SRRM4: variants seen among roughly 807,000 people sequenced by gnomAD.
The protein encoded by SRRM4 is serine/arginine repetitive matrix 4, also known as serine/arginine repetitive matrix protein 4.
In SRRM4, 33 loss-of-function variants were observed where a neutral mutation model predicts 68.9. That is an observed-to-expected ratio of 0.48 (90% CI 0.36 to 0.64). The LOEUF (loss-of-function observed/expected upper bound fraction) is 0.64. Among genes scored for constraint, SRRM4 ranks in the 30% least tolerant of loss-of-function variants. The probability of loss-of-function intolerance (pLI) is 0.00; values close to 1 mark genes in which losing one functional copy is unlikely to be tolerated. For missense variants in SRRM4, 817 were observed against 827.1 expected, an observed-to-expected ratio of 0.99 and a Z score of 0.15; for synonymous variants, 318 against 318.8, an observed-to-expected ratio of 1.00 and a Z score of 0.03.
At chr12:118,995,799 CG>C (rs1273278020) in intron 1 of SRRM4, among the ~76,000 whole-genome samples, 5 of 152,222 alleles carry the variant, frequency 3.3e-5, no homozygotes, top group African/African-American at 1.2e-4. Context: ...TCCACCCATC[CG>C]TTTATCATGC....
Position 119,156,500 on chromosome 12 carries a change from G to T in SRRM4, c.1538G>T (p.Arg513Leu). The T allele has an allele frequency of 6.2e-7, 1 of 1,603,030 alleles. No individual in the cohort carries two copies. Among genetic ancestry groups the T allele is most frequent in the Non-Finnish European group, 8.5e-7 (1 of 1,174,576 alleles). The change falls in exon 13 of 13, where the codon CGG becomes CTG. Residue 513 changes from arginine (R) to leucine (L), a missense_variant. Physicochemically the swap from Arg to Leu is moderately radical, Grantham distance 102. Coordinates refer to ENST00000267260, the MANE Select transcript of SRRM4 (RefSeq NM_194286.4). The stretch of plus-strand genomic sequence containing the variant: ...CCTCTCTCTGGTCTCTGCAGTGCCC[G>T]GAAACGCCCCATCCCCTACTATCGG... ...HLEARRITSARKRPIPYYRPS... is the reference protein window; with the variant it reads ...HLEARRITSALKRPIPYYRPS...
At chr12:118,995,754 A>G (rs1040613073) in intron 1 of SRRM4, among the ~76,000 whole-genome samples, 2 of 152,170 alleles carry the variant, frequency 1.3e-5, no homozygotes, top group Non-Finnish European at 2.9e-5. Context: ...ACAATACTTT[A>G]TGCTTGCTGA....
intron 1 of SRRM4, among the ~76,000 whole-genome samples, chr12:119,050,201 C>T (rs1279218932): frequency 6.6e-6 from 1 of 152,170 alleles, no homozygotes; most frequent in Non-Finnish European, 1.5e-5. Flanking sequence ...ATACTCTGTG[C>T]CAGGTACTGA....
chr12:119,053,747 G>GT (rs34684011), intron 1 of SRRM4, among the ~76,000 whole-genome samples: 52,351 of 149,064 alleles, frequency 0.35, 9,205 homozygotes, highest in African/African-American at 0.38. Flanking sequence ...CCCAACAGTA[G>GT]TTTTTTTTTT....
rs1209691893 is a variant in SRRM4, at chr12:118,981,862, C to T, written c.-21C>T. The T allele has an allele frequency of 1.2e-6, 2 of 1,611,334 alleles. No individual in the cohort carries two copies. Among genetic ancestry groups the T allele is most frequent in the Admixed American group, 1.7e-5 (1 of 59,842 alleles). On this transcript the variant is annotated 5_prime_UTR_variant, in exon 1 of 13. Transcript: ENST00000267260. ...GCACTTTGGACAGCGCCCCGGACGC[C>T]CCGGCCCCTTTGGGTTGGCGATGGC... is the stretch of plus-strand genomic sequence containing the variant.
Position 119,154,922 on chromosome 12 carries a change from C to T in SRRM4, c.1532+539C>T, listed in dbSNP as rs146610420. Among the ~76,000 whole-genome samples, 9 of 152,290 alleles carry T rather than the reference C, an allele frequency of 5.9e-5. No homozygotes were observed. In the East Asian group the frequency reaches 1.7e-3, roughly 29 times the overall value. ...GTTCCCAAAGGGACCTAGAGGGAGC[C>T]ACGGTGGATAAGCCGGAGAGCACTG... On this transcript the variant is annotated intron_variant, in intron 12 of 12. Coordinates refer to ENST00000267260, the MANE Select transcript of SRRM4 (RefSeq NM_194286.4). The surrounding 1 kb of genome is among the most constrained non-coding windows in gnomAD (Gnocchi z 4.7).
rs539450994 is a variant in SRRM4, at chr12:118,994,691, C to T, written c.131+12678C>T. ...TCTACTCCACCACCTAGTAGCTGTG[C>T]GACCTTCAGCAAATCCCTTCACTAC... On this transcript the variant is annotated intron_variant, in intron 1 of 12. Coordinates refer to ENST00000267260, the MANE Select transcript of SRRM4 (RefSeq NM_194286.4). Among the ~76,000 whole-genome samples, 15 of 152,344 alleles carry T rather than the reference C, an allele frequency of 9.8e-5. No individual in the cohort carries two copies. The East Asian group carries it at 2.1e-3, about 22-fold the overall frequency.
rs561631960 is a variant in SRRM4 at position 119,028,386 on chromosome 12, C to A, written c.131+46373C>A. 1.5e-4 allele frequency among the ~76,000 whole-genome samples: 23 copies of A among 152,200 alleles called. No individual in the cohort carries two copies. The South Asian group carries it at 4.6e-3, about 30-fold the overall frequency. On this transcript the variant is annotated intron_variant, in intron 1 of 12. Transcript: ENST00000267260. ...AGGTAATTGAATCATGGGGGCAGGT[C>A]TTTTCGTGCTAGTCTCATGATAGTG...
intron 1 of SRRM4, among the ~76,000 whole-genome samples, chr12:119,011,310 C>T (rs927123454): frequency 6.6e-6 from 1 of 152,176 alleles, no homozygotes; most frequent in Non-Finnish European, 1.5e-5. Flanking sequence ...GCACTACTGA[C>T]ATTTAGGGCC....
Position 119,156,610 on chromosome 12 carries a change from T to A in SRRM4, c.1648T>A (p.Ser550Thr), listed in dbSNP as rs1565921403. The A allele has an allele frequency of 6.2e-7, 1 of 1,610,236 alleles. No individual in the cohort carries two copies. The stretch of plus-strand genomic sequence containing the variant: ...TAGCCGCTCGGCCAGCCGCAGCTAC[T>A]CCCGGAGCCGGAGTCGGAGCCGGAG... ...SSSRSASRSY[S>T]RSRSRSRSRR... The change falls in exon 13 of 13, where the codon TCC becomes ACC. Residue 550 changes from serine to threonine, a missense_variant. Physicochemically the swap from Ser to Thr is moderately conservative, Grantham distance 58. Transcript: ENST00000267260.
At chr12:119,117,375 T>A (rs1417746998) in intron 4 of SRRM4, among the ~76,000 whole-genome samples, 1 of 152,172 alleles carries the variant, frequency 6.6e-6, no homozygotes, top group African/African-American at 2.4e-5. Flanking sequence ...CATCTCTCCA[T>A]GTTGCAGGCC....
chr12:119,075,675 T>C (rs1373394739), intron 1 of SRRM4, among the ~76,000 whole-genome samples: 4 of 151,078 alleles, frequency 2.6e-5, no homozygotes, highest in African/African-American at 4.9e-5. Context: ...GTGATGATGA[T>C]GGTGATGATG....
chr12:119,114,399 A>C, intron 3 of SRRM4, 35 bp downstream of exon 3: 1 of 1,552,844 alleles, frequency 6.4e-7, no homozygotes, highest in Non-Finnish European at 8.8e-7. Context: ...AACCTGTAAG[A>C]TGCAGGCAGG....
intron 1 of SRRM4, chr12:118,991,907 G>C (rs915611272): frequency 6.6e-6 from 1 of 152,170 alleles, no homozygotes; most frequent in African/African-American, 2.4e-5. Context: ...ATCTACAGAG[G>C]TGTAGTATTA....
At chr12:119,083,500 C>G (rs1399422245) in intron 1 of SRRM4, among the ~76,000 whole-genome samples, 1 of 152,034 alleles carries the variant, frequency 6.6e-6, no homozygotes, top group Non-Finnish European at 1.5e-5. Context: ...AGGTCTATAG[C>G]CTGCACAGGT....
At chr12:119,006,892 G>A (rs1002638728) in intron 1 of SRRM4, among the ~76,000 whole-genome samples, 1 of 152,230 alleles carries the variant, frequency 6.6e-6, no homozygotes, top group Non-Finnish European at 1.5e-5. Context: ...GCTGGAGACC[G>A]AGGCCAAGGC....
chr12:119,121,424 CTA>C (rs1252245003), intron 5 of SRRM4, among the ~76,000 whole-genome samples: 1 of 152,180 alleles, frequency 6.6e-6, no homozygotes, highest in African/African-American at 2.4e-5. Context: ...GACCCTAGCC[CTA>C]TGACTCAAAA....
intron 2 of SRRM4, among the ~76,000 whole-genome samples, chr12:119,107,977 C>G (rs958030305): frequency 2.6e-4 from 40 of 152,332 alleles, no homozygotes; most frequent in African/African-American, 9.1e-4. Flanking sequence ...CCTCTACACA[C>G]TGCTTTAAAT....
At chr12:119,098,403 A>C (rs1163442886) in intron 1 of SRRM4, among the ~76,000 whole-genome samples, 1 of 152,212 alleles carries the variant, frequency 6.6e-6, no homozygotes, top group Non-Finnish European at 1.5e-5. Context: ...ACCAACTATA[A>C]CATCAGGAAA....
Sources: allele counts gnomAD v4.1 joint callset (sites outside exome capture counted in the v4.1 genomes callset), GRCh38; gene constraint gnomAD v4.1.1; non-coding constraint Gnocchi (gnomAD v3.1); transcripts MANE v1.5; gene names NCBI Gene and HGNC (gene_info 2026-07-23, HGNC 2026-07-21).